NCOA1: variants seen among roughly 807,000 people sequenced by gnomAD.
NCOA1 encodes Hin-2 protein.
In NCOA1, 35 loss-of-function variants were observed where a neutral mutation model predicts 150.9. The ratio of observed to expected loss-of-function variants is 0.23; its 90% CI spans 0.18 to 0.31. NCOA1 has a LOEUF of 0.31. Among genes scored for constraint, NCOA1 ranks in the 10% least tolerant of loss-of-function variants. The probability of loss-of-function intolerance (pLI) is 1.00; values close to 1 mark genes in which losing one functional copy is unlikely to be tolerated. For synonymous variants in NCOA1, 590 were observed against 630.0 expected (o/e 0.94, Z 0.95); for missense variants, 1,491 against 1,749.3 (o/e 0.85, Z 2.63).
intron 1 of NCOA1, among the ~76,000 whole-genome samples, chr2:24,513,868 G>A (rs758196573): frequency 6.6e-6 from 1 of 152,146 alleles, no homozygotes; most frequent in Non-Finnish European, 1.5e-5. Context: ...GGAGGACTTG[G>A]TATGTGTAGA....
intron 4 of NCOA1, among the ~76,000 whole-genome samples, chr2:24,648,029 TTAGC>T (rs1670553087): frequency 6.6e-6 from 1 of 152,222 alleles, no homozygotes; most frequent in South Asian, 2.1e-4. Flanking sequence ...AAGTTAGTCT[TTAGC>T]TGGTCGTTGC....
In NCOA1 at chr2:24,564,380, CT is replaced by C. The variant is rs765883410; in HGVS notation, c.-307del. 7 of 152,182 alleles carry C rather than the reference CT, an allele frequency of 4.6e-5. No homozygotes were observed. Among genetic ancestry groups the C allele is most frequent in the Non-Finnish European group, 1.0e-4 (7 of 68,026 alleles). 9.4% of individuals were successfully genotyped at this position (152,182 alleles called of 1,614,324 possible). On this transcript the variant is annotated 5_prime_UTR_variant, in exon 2 of 23. It introduces an in-frame stop codon into an upstream open reading frame of the 5' UTR. Transcript: ENST00000348332. ...TCAAGCAAGATCATGCAGTAGGCAA[CT>C]TTGCTTCCAAAAGAAGTTACCAACA... is the stretch of plus-strand genomic sequence containing the variant.
chr2:24,545,508 C>T (rs1665571161), intron 1 of NCOA1, among the ~76,000 whole-genome samples: 2 of 152,174 alleles, frequency 1.3e-5, no homozygotes, highest in African/African-American at 4.8e-5. Flanking sequence ...ATAATTTGTG[C>T]AGACACTCCC....
chr2:24,671,974 C>T (rs1671704584), intron 6 of NCOA1, among the ~76,000 whole-genome samples: 1 of 152,088 alleles, frequency 6.6e-6, no homozygotes, highest in Non-Finnish European at 1.5e-5. Flanking sequence ...ATGAAAAAAT[C>T]TATATGTATT....
intron 3 of NCOA1, among the ~76,000 whole-genome samples, 162 bp downstream of exon 3, chr2:24,584,722 T>G (rs1667328760): frequency 6.6e-6 from 1 of 152,174 alleles, no homozygotes. Context: ...CAGGGCCCCT[T>G]TGAGAGTCTG....
chr2:24,750,874 G>A (rs920133403), intron 19 of NCOA1, among the ~76,000 whole-genome samples: 13 of 148,548 alleles, frequency 8.8e-5, no homozygotes, highest in Non-Finnish European at 1.9e-4. Flanking sequence ...GTTACAGTGT[G>A]TCAATTTCAT....
At chr2:24,620,008 A>C (rs1669053800) in intron 3 of NCOA1, among the ~76,000 whole-genome samples, 1 of 152,086 alleles carries the variant, frequency 6.6e-6, no homozygotes, top group Non-Finnish European at 1.5e-5. Flanking sequence ...TTCTCTCCCC[A>C]AAACAGCCTA....
chr2:24,540,022 G>T (rs1416989226), intron 1 of NCOA1, among the ~76,000 whole-genome samples: 1 of 152,156 alleles, frequency 6.6e-6, no homozygotes, highest in Non-Finnish European at 1.5e-5. Context: ...GAAGACGAAG[G>T]ACTGAGAACC....
At chr2:24,713,416 A>G (rs1432323795) in intron 14 of NCOA1, among the ~76,000 whole-genome samples, 1 of 152,190 alleles carries the variant, frequency 6.6e-6, no homozygotes, top group Admixed American at 6.5e-5. Context: ...AAAGCTTGTC[A>G]TCATATCATT....
chr2:24,508,433 CAAAA>C (rs548118096), intron 1 of NCOA1, among the ~76,000 whole-genome samples: 2 of 148,706 alleles, frequency 1.3e-5, no homozygotes, highest in Admixed American at 1.3e-4. Flanking sequence ...TTTGCAATGA[CAAAA>C]AAAAAGGAAT....
intron 1 of NCOA1, among the ~76,000 whole-genome samples, chr2:24,537,220 A>G (rs78534316): frequency 0.023 from 3,400 of 147,388 alleles, 131 homozygotes; most frequent in African/African-American, 0.078. Context: ...GGACAAATCA[A>G]TAAGGTAACT....
chr2:24,637,085 T>A (rs1377087881), intron 3 of NCOA1, among the ~76,000 whole-genome samples: 9 of 151,456 alleles, frequency 5.9e-5, no homozygotes, highest in Non-Finnish European at 1.5e-5. Flanking sequence ...ATCTTTTTTT[T>A]ATTATTATTA....
chr2:24,680,239 C>T (rs1057196806), intron 7 of NCOA1, among the ~76,000 whole-genome samples: 5 of 152,116 alleles, frequency 3.3e-5, no homozygotes, highest in African/African-American at 1.2e-4. Flanking sequence ...TACTACTTCC[C>T]ATAATAGATG....
chr2:24,687,665 C>T (rs959027926), intron 8 of NCOA1, among the ~76,000 whole-genome samples: 8 of 152,086 alleles, frequency 5.3e-5, no homozygotes, highest in African/African-American at 1.2e-4. Context: ...AACTTCCAGA[C>T]GCTTATAAAA....
At chr2:24,680,521 A>T (rs910180857) in intron 7 of NCOA1, among the ~76,000 whole-genome samples, 1 of 152,194 alleles carries the variant, frequency 6.6e-6, no homozygotes, top group African/African-American at 2.4e-5. Flanking sequence ...GATCTAAAAA[A>T]GTCAAACTCA....
chr2:24,589,383 T>C (rs1332151724), intron 3 of NCOA1, among the ~76,000 whole-genome samples: 1 of 152,196 alleles, frequency 6.6e-6, no homozygotes, highest in Admixed American at 6.5e-5. Context: ...ATGGAATTAC[T>C]TTATCCCTCT....
intron 1 of NCOA1, among the ~76,000 whole-genome samples, chr2:24,496,580 T>C (rs1270720637): frequency 6.6e-6 from 1 of 152,122 alleles, no homozygotes; most frequent in African/African-American, 2.4e-5. Flanking sequence ...TCTCTTTCTC[T>C]CTCTTTCTTT....
intron 17 of NCOA1, among the ~76,000 whole-genome samples, chr2:24,737,727 G>A (rs965142355): frequency 5.3e-5 from 8 of 152,096 alleles, no homozygotes; most frequent in African/African-American, 1.9e-4. Context: ...CTGTGCTGCC[G>A]TAGATGTGTC....
chr2:24,656,013 G>A (rs919479233), intron 4 of NCOA1, among the ~76,000 whole-genome samples: 2 of 151,422 alleles, frequency 1.3e-5, no homozygotes, highest in African/African-American at 2.4e-5. Context: ...GCGTGAACCC[G>A]GGAGGCGGAG....
Sources: allele counts gnomAD v4.1 joint callset (sites outside exome capture counted in the v4.1 genomes callset), GRCh38; gene constraint gnomAD v4.1.1; transcripts MANE v1.5; gene names NCBI Gene and HGNC (gene_info 2026-07-23, HGNC 2026-07-21).